Variants in DNAL1 observed in about 807,000 individuals in gnomAD.
DNAL1 encodes the protein chromosome 14 open reading frame 168.
DNAL1 carries 17 observed loss-of-function variants against 29.4 expected under a neutral mutation model. That is an observed-to-expected ratio of 0.58 (90% confidence interval 0.40 to 0.87). DNAL1 has a LOEUF of 0.87. Among genes scored for constraint, DNAL1 ranks in the 40% least tolerant of loss-of-function variants. The pLI is 0.00. For synonymous variants in DNAL1, 78 were observed against 76.3 expected (o/e 1.02, Z -0.12); for missense variants, 188 against 214.1 (o/e 0.88, Z 0.76).
At chr14:73,650,823 T>G (rs1891097085) in intron 1 of DNAL1, among the ~76,000 whole-genome samples, 2 of 152,058 alleles carry the variant, frequency 1.3e-5, no homozygotes, top group Non-Finnish European at 2.9e-5. Flanking sequence ...TTTTATTTTT[T>G]AAAGAGCTGG....
At chr14:73,686,172 TCTC>T (rs1020580091) in intron 5 of DNAL1, among the ~76,000 whole-genome samples, 16 of 152,138 alleles carry the variant, frequency 1.1e-4, no homozygotes, top group African/African-American at 3.6e-4. Flanking sequence ...ATTGCGCCAG[TCTC>T]CTCATTTTAC....
In DNAL1 at chr14:73,698,412, T is replaced by G. The variant is rs1892351372; in HGVS notation, c.*2470T>G. ...TTTAGCTGATAAAACTGCCTTTGGT[T>G]TATGCCTCTTGGATCAGATATTTGA... On this transcript the variant is annotated 3_prime_UTR_variant, in exon 8 of 8. Coordinates refer to ENST00000553645, the MANE Select transcript of DNAL1 (RefSeq NM_031427.4). 1 of 152,234 alleles carries G rather than the reference T, an allele frequency of 6.6e-6. No individual in the cohort carries two copies. Among genetic ancestry groups the G allele is most frequent in the Non-Finnish European group, 1.5e-5 (1 of 68,038 alleles). 9.4% of individuals were successfully genotyped at this position (152,234 alleles called of 1,614,324 possible). A position where few individuals can be genotyped will look rare whatever the true frequency, so the allele number is the denominator to read the frequency against.
At chr14:73,685,355 GT>G (rs1263955489) in intron 5 of DNAL1, among the ~76,000 whole-genome samples, 1 of 151,916 alleles carries the variant, frequency 6.6e-6, no homozygotes, top group Non-Finnish European at 1.5e-5. Flanking sequence ...CATATAAGTA[GT>G]ATCATACAGC....
intron 5 of DNAL1, among the ~76,000 whole-genome samples, chr14:73,677,884 T>TTGTGTGTGTG (rs566825653): frequency 0.074 from 7,068 of 95,976 alleles, 296 homozygotes; most frequent in Middle Eastern, 0.1. Context: ...ATATATATAT[T>TTGTGTGTGTG]TGTGTGTGTG....
chr14:73,661,759 AT>A (rs994847557), intron 3 of DNAL1, among the ~76,000 whole-genome samples: 1 of 152,146 alleles, frequency 6.6e-6, no homozygotes, highest in African/African-American at 2.4e-5. Context: ...AGAAAAAAAA[AT>A]TGTTAATACC....
intron 2 of DNAL1, 63 bp downstream of exon 2, chr14:73,654,948 C>T: frequency 1.4e-6 from 2 of 1,448,612 alleles, no homozygotes; most frequent in Non-Finnish European, 1.9e-6. Flanking sequence ...GATAGTTATT[C>T]AAATCTAGCT....
intron 5 of DNAL1, among the ~76,000 whole-genome samples, chr14:73,679,338 A>G (rs957441565): frequency 6.6e-6 from 1 of 152,112 alleles, no homozygotes; most frequent in African/African-American, 2.4e-5. Flanking sequence ...AATCTTGTGT[A>G]CATTTTTAAT....
At chr14:73,689,026 G>GT (rs71112794) in intron 6 of DNAL1, among the ~76,000 whole-genome samples, 2,615 of 92,216 alleles carry the variant, frequency 0.028, 224 homozygotes, top group African/African-American at 0.1. Flanking sequence ...AAAACTTGCT[G>GT]TTTTTTTTTT....
rs183492735 is a variant in DNAL1, at chr14:73,698,275, A to G, written c.*2333A>G. On this transcript the variant is annotated 3_prime_UTR_variant, in exon 8 of 8. Coordinates refer to ENST00000553645, the MANE Select transcript of DNAL1 (RefSeq NM_031427.4). Reference sequence around the variant, plus strand: ...TTCAACAAATCTTTGAATGACTTCTATGCATCCCTGTTCATGGAACCCATG... The same window carrying G: ...TTCAACAAATCTTTGAATGACTTCTGTGCATCCCTGTTCATGGAACCCATG... The G allele has an allele frequency of 1.3e-5, 2 of 152,338 alleles. No individual in the cohort carries two copies. Among genetic ancestry groups the G allele is most frequent in the African/African-American group, 2.4e-5 (1 of 41,582 alleles). The allele number at this position is 152,338 out of a possible 1,614,324, so 9.4% of individuals were successfully genotyped here. A position where few individuals can be genotyped will look rare whatever the true frequency, so the allele number is the denominator to read the frequency against.
intron 7 of DNAL1, among the ~76,000 whole-genome samples, chr14:73,690,248 C>T (rs2140061394): frequency 6.6e-6 from 1 of 152,080 alleles, no homozygotes; most frequent in Admixed American, 6.6e-5. Context: ...ATATAAATTT[C>T]CTTCTGCTAT....
At chr14:73,649,783 C>T (rs1595198864) in intron 1 of DNAL1, among the ~76,000 whole-genome samples, 2 of 152,062 alleles carry the variant, frequency 1.3e-5, no homozygotes, top group East Asian at 3.9e-4. Context: ...GCAGTTCTCC[C>T]TTGGTATTCA....
chr14:73,675,923 G>A (rs1022613543), intron 5 of DNAL1, among the ~76,000 whole-genome samples: 1 of 152,002 alleles, frequency 6.6e-6, no homozygotes, highest in Non-Finnish European at 1.5e-5. Flanking sequence ...GCTGAGACAG[G>A]AGAATCGCTT....
At chr14:73,669,221 C>A (rs1891558790) in intron 4 of DNAL1, among the ~76,000 whole-genome samples, 1 of 152,050 alleles carries the variant, frequency 6.6e-6, no homozygotes, top group Non-Finnish European at 1.5e-5. Context: ...GTGCTGAAAC[C>A]ATCCTCCTGC....
intron 5 of DNAL1, among the ~76,000 whole-genome samples, chr14:73,686,906 A>G (rs554739421): frequency 2.0e-5 from 3 of 152,126 alleles, no homozygotes; most frequent in Admixed American, 6.6e-5. Flanking sequence ...AATATACTCT[A>G]TAGGAATGTA....
Position 73,662,008 on chromosome 14 carries a change from C to A in DNAL1, c.174C>A (p.Asn58Lys). 1 of 1,559,562 alleles carries A rather than the reference C, an allele frequency of 6.4e-7. No individual in the cohort carries two copies. Residue 58 changes from asparagine (N) to lysine (K), a missense_variant, in exon 4 of 8, where the codon AAC (asparagine) becomes AAA (lysine). By Grantham distance (94) the Asn-to-Lys change is moderately conservative. Transcript: ENST00000553645. ...AAAGGAAGCTTTCACTGTCTACAAA[C>A]TGCATTGAAAAAATTGCCAACCTGA... ...ANCEKLSLST[N>K]CIEKIANLNG...
At chr14:73,695,186 G>A (rs1044638234) in intron 7 of DNAL1, among the ~76,000 whole-genome samples, 3 of 150,120 alleles carry the variant, frequency 2.0e-5, no homozygotes, top group Non-Finnish European at 4.4e-5. Flanking sequence ...CTCCAAAGTA[G>A]TTGAAGACTA....
chr14:73,695,350 G>A (rs1892277748), intron 7 of DNAL1, among the ~76,000 whole-genome samples: 2 of 151,988 alleles, frequency 1.3e-5, no homozygotes, highest in South Asian at 4.1e-4. Context: ...GAGCCACCAT[G>A]CCTGGCCATA....
At chr14:73,687,805 G>A (rs1452106196) in intron 6 of DNAL1, among the ~76,000 whole-genome samples, 2 of 152,186 alleles carry the variant, frequency 1.3e-5, no homozygotes, top group East Asian at 3.9e-4. Flanking sequence ...CCCGGGAGGC[G>A]GAGCTTGCAG....
chr14:73,658,799 C>T, intron 2 of DNAL1, 48 bp from the exon 3 acceptor site: 1 of 1,443,268 alleles, frequency 6.9e-7, no homozygotes, highest in African/African-American at 1.4e-5. Context: ...TCTTTTGTTT[C>T]CACATTGCAA....
Sources: allele counts gnomAD v4.1 joint callset (sites outside exome capture counted in the v4.1 genomes callset), GRCh38; gene constraint gnomAD v4.1.1; transcripts MANE v1.5; gene names NCBI Gene and HGNC (gene_info 2026-07-23, HGNC 2026-07-21).